SERPIND1: variants seen among roughly 807,000 people sequenced by gnomAD.
The protein encoded by SERPIND1 is serpin family D member 1, also known as heparin cofactor 2.
A neutral mutation model predicts 35.0 loss-of-function variants in SERPIND1; 34 were observed. The observed-to-expected ratio is 0.97, with a 90% CI of 0.74 to 1.29. The LOEUF (loss-of-function observed/expected upper bound fraction) is 1.29, where lower values mean the gene tolerates loss of function less well. Ranked by LOEUF, SERPIND1 falls within the 50% of genes most tolerant of loss-of-function variation. SERPIND1 has a pLI of 0.00. For missense variants in SERPIND1, 633 were observed against 637.7 expected, an observed-to-expected ratio of 0.99 and a Z score of 0.08; for synonymous variants, 236 against 241.1, an observed-to-expected ratio of 0.98 and a Z score of 0.19.
intron 3 of SERPIND1, 22 bp downstream of exon 3, chr22:20,784,267 T>C (rs757236345): frequency 7.4e-6 from 12 of 1,614,012 alleles, no homozygotes; most frequent in Non-Finnish European, 8.5e-6. Context: ...TGTGTGTTTG[T>C]TCTTTTGAGC....
At chr22:20,777,927 T>C (rs1053080764) in intron 1 of SERPIND1, among the ~76,000 whole-genome samples, 5 of 152,184 alleles carry the variant, frequency 3.3e-5, no homozygotes, top group Non-Finnish European at 5.9e-5. Flanking sequence ...AAGCTTATCT[T>C]GTTTACTTAA....
At position 20,784,082 on chromosome 22, in the gene SERPIND1, G is replaced by C; in HGVS notation, c.1000G>C (p.Ala334Pro). The C allele has an allele frequency of 2.0e-5, 32 of 1,614,132 alleles. No homozygotes were observed. Among genetic ancestry groups the C allele is most frequent in the Non-Finnish European group, 2.7e-5 (32 of 1,180,016 alleles). Residue 334 changes from alanine (A) to proline (P), a missense_variant, in exon 3 of 5, where the codon GCA becomes CCA. By Grantham distance (27) the Ala-to-Pro change is conservative. Transcript: ENST00000215727. ...SMMQTKGNFL[A>P]ANDQELDCDI... is the part of the protein sequence containing the mutation. ...GATGCAGACCAAGGGGAACTTCCTC[G>C]CAGCAAATGACCAGGAGCTGGACTG... is the stretch of plus-strand genomic sequence containing the variant.
In SERPIND1 at chr22:20,782,733, G is replaced by C. The variant is rs368508597; in HGVS notation, c.890-1239G>C. 3.3e-4 allele frequency among the ~76,000 whole-genome samples: 51 copies of C among 152,268 alleles called. No individual in the cohort carries two copies. In the South Asian group the frequency reaches 0.011, roughly 32 times the overall value. On this transcript the variant is annotated intron_variant, in intron 2 of 4. Transcript: ENST00000215727. Reference sequence around the variant, plus strand: ...GAGTAAGCATTACTGGTATCTAGAAGGGGGAGGCTGGGGATGTTGCTAAAC... The same window carrying C: ...GAGTAAGCATTACTGGTATCTAGAACGGGGAGGCTGGGGATGTTGCTAAAC...
At chr22:20,785,140 G>A (rs1006862436) in intron 3 of SERPIND1, among the ~76,000 whole-genome samples, 1 of 150,700 alleles carries the variant, frequency 6.6e-6, no homozygotes, top group Non-Finnish European at 1.5e-5. Flanking sequence ...CATCATCATG[G>A]CTCACTGCAG....
chr22:20,782,721 T>C (rs1199432617), intron 2 of SERPIND1, among the ~76,000 whole-genome samples: 2 of 152,158 alleles, frequency 1.3e-5, no homozygotes, highest in Non-Finnish European at 2.9e-5. Context: ...TAAGCATTAC[T>C]GGTATCTAGA....
chr22:20,780,061 T>G lies in SERPIND1; in HGVS notation c.749T>G (p.Ile250Arg), dbSNP rs139434064. The G allele has an allele frequency of 2.0e-5, 32 of 1,614,056 alleles. No homozygotes were observed. The highest frequency in any genetic ancestry group is 1.6e-4 in the Middle Eastern group (1 of 6,084). Residue 250 changes from isoleucine (I) to arginine (R), a missense_variant, in exon 2 of 5, where the codon ATA becomes AGA. Physicochemically the swap from Ile to Arg is moderately conservative, Grantham distance 97 (BLOSUM62 -3). Coordinates refer to ENST00000215727, the MANE Select transcript of SERPIND1 (RefSeq NM_000185.4). ...GAGTATTACTTTGCTGAGGCCCAGATAGCTGACTTCTCAGACCCTGCCTTC... is the reference window on the plus strand; with the variant it reads ...GAGTATTACTTTGCTGAGGCCCAGAGAGCTGACTTCTCAGACCCTGCCTTC... ...VREYYFAEAQIADFSDPAFIS... is the reference protein window; with the variant it reads ...VREYYFAEAQRADFSDPAFIS...
chr22:20,786,781 T>C (rs1280476053), intron 4 of SERPIND1, 94 bp from the exon 5 acceptor site: 7 of 1,270,016 alleles, frequency 5.5e-6, no homozygotes, highest in Non-Finnish European at 8.0e-6. Flanking sequence ...ATGTTGTCTT[T>C]GGATCCTTTC....
At chr22:20,784,603 T>C (rs559920434) in intron 3 of SERPIND1, among the ~76,000 whole-genome samples, 37 of 152,290 alleles carry the variant, frequency 2.4e-4, no homozygotes, top group African/African-American at 8.4e-4. Context: ...GAATCAGCGA[T>C]GCTGAGCGCC....
At position 20,778,160 on chromosome 22, in the gene SERPIND1, C is replaced by A. The variant is rs188223410; in HGVS notation, c.-16-1137C>A. Among the ~76,000 whole-genome samples the A allele has an allele frequency of 2.4e-4, 37 of 152,240 alleles. No individual in the cohort carries two copies. In the East Asian group the frequency reaches 6.4e-3, roughly 26 times the overall value. The stretch of plus-strand genomic sequence containing the variant: ...GCTGCCACCACATCACCTCACTACG[C>A]CCTGAGGGGGTCTCAGCACTAGACA... On this transcript the variant is annotated intron_variant, in intron 1 of 4. Coordinates refer to ENST00000215727, the MANE Select transcript of SERPIND1 (RefSeq NM_000185.4).
rs1417750976 is a variant in SERPIND1 at position 20,779,919 on chromosome 22, C to T, written c.607C>T (p.Arg203Cys). ...YEITTIHNLF[R>C]KLTHRLFRRN... ...AATCACGACCATTCATAATCTCTTC[C>T]GTAAGCTGACTCATCGCCTCTTCAG... Residue 203 changes from arginine to cysteine, a missense_variant, in exon 2 of 5, where the codon CGT becomes TGT. By Grantham distance (180) the Arg-to-Cys change is radical (BLOSUM62 -3). Coordinates refer to ENST00000215727, the MANE Select transcript of SERPIND1 (RefSeq NM_000185.4). 9.3e-6 allele frequency: 15 copies of T among 1,614,082 alleles called. No individual in the cohort carries two copies. The highest frequency in any genetic ancestry group is 1.3e-5 in the African/African-American group (1 of 74,906).
At chr22:20,778,551 A>C (rs1933487858) in intron 1 of SERPIND1, among the ~76,000 whole-genome samples, 1 of 152,182 alleles carries the variant, frequency 6.6e-6, no homozygotes, top group South Asian at 2.1e-4. Flanking sequence ...CAACAAAAAA[A>C]CAACGAATTA....
rs748496833 is a variant in SERPIND1, at chr22:20,779,666, T to C, written c.354T>C (p.His118=). Residue 118 remains histidine (H), a synonymous_variant, in exon 2 of 5, where the codon CAT becomes CAC. Coordinates refer to ENST00000215727, the MANE Select transcript of SERPIND1 (RefSeq NM_000185.4). ...VSAGNILQLF[H]GKSRIQRLNI... ...CTGGGAACATCCTCCAGCTTTTTCA[T>C]GGCAAGAGCCGGATCCAGCGTCTTA... is the stretch of plus-strand genomic sequence containing the variant. 5 of 1,614,068 alleles carry C rather than the reference T, an allele frequency of 3.1e-6. No homozygotes were observed. Among genetic ancestry groups the C allele is most frequent in the South Asian group, 2.2e-5 (2 of 91,086 alleles).
intron 1 of SERPIND1, among the ~76,000 whole-genome samples, chr22:20,776,455 A>G (rs1933286438): frequency 3.3e-5 from 5 of 152,234 alleles, no homozygotes; most frequent in Admixed American, 3.3e-4. Context: ...GTCAGAAACA[A>G]TGTGACTTTC....
rs1325882776 is a variant in SERPIND1 at position 20,779,635 on chromosome 22, T to C, written c.323T>C (p.Val108Ala). 1 of 1,614,186 alleles carries C rather than the reference T, an allele frequency of 6.2e-7. No homozygotes were observed. Among genetic ancestry groups the C allele is most frequent in the Non-Finnish European group, 8.5e-7 (1 of 1,179,988 alleles). Residue 108 changes from valine to alanine, a missense_variant, in exon 2 of 5, where the codon GTG (valine) becomes GCG (alanine). Coordinates refer to ENST00000215727, the MANE Select transcript of SERPIND1 (RefSeq NM_000185.4). Reference sequence around the variant, plus strand: ...TCAGTTTCCCCGACAGACTCTGATGTGAGTGCTGGGAACATCCTCCAGCTT... The same window carrying C: ...TCAGTTTCCCCGACAGACTCTGATGCGAGTGCTGGGAACATCCTCCAGCTT... ...SLSVSPTDSDVSAGNILQLFH... is the reference protein window; with the variant it reads ...SLSVSPTDSDASAGNILQLFH...
chr22:20,782,053 A>C (rs1410796492), intron 2 of SERPIND1, among the ~76,000 whole-genome samples: 1 of 152,192 alleles, frequency 6.6e-6, no homozygotes, highest in South Asian at 2.1e-4. Context: ...CATTTATTTT[A>C]CTTCTACTAG....
chr22:20,786,391 CA>C (rs1490892617), intron 4 of SERPIND1, among the ~76,000 whole-genome samples: 1 of 152,232 alleles, frequency 6.6e-6, no homozygotes, highest in Non-Finnish European at 1.5e-5. Context: ...GGGTGAGCCC[CA>C]CTCCCGCTGA....
chr22:20,781,247 C>T (rs543163798), intron 2 of SERPIND1, among the ~76,000 whole-genome samples: 2 of 152,190 alleles, frequency 1.3e-5, no homozygotes, highest in African/African-American at 4.8e-5. Context: ...CAAATATCCT[C>T]ACCTGGACCA....
chr22:20,784,288 T>TG (rs768657238), intron 3 of SERPIND1, 43 bp downstream of exon 3: 1 of 1,612,386 alleles, frequency 6.2e-7, no homozygotes, highest in East Asian at 2.2e-5. Flanking sequence ...TCCCAGATGC[T>TG]GGGGGTGTCT....
chr22:20,787,099 G>T lies in SERPIND1; in HGVS notation c.*33G>T. On this transcript the variant is annotated 3_prime_UTR_variant, in exon 5 of 5. Transcript: ENST00000215727. ...GGTCTAGGTGTCTGAAGTGCCTTGG[G>T]GGCACCCTCATTTTGTTTCCATTCC... 6.3e-7 allele frequency: 1 copy of T among 1,581,176 alleles called. No homozygotes were observed.
Sources: gnomAD v4.1 joint callset for allele counts (sites outside exome capture counted in the v4.1 genomes callset) on GRCh38, gnomAD v4.1.1 for gene constraint, MANE v1.5 for transcripts, NCBI Gene and HGNC (gene_info 2026-07-23, HGNC 2026-07-21) for gene names.